The following RBFOX1 variants were observed in gnomAD, a reference collection of about 807,000 sequenced individuals.
RBFOX1 encodes RNA binding protein fox-1 homolog 1.
RBFOX1 carries 8 observed loss-of-function variants against 57.7 expected under a neutral mutation model. That is an observed-to-expected ratio of 0.14 (90% CI 0.08 to 0.25). The LOEUF is 0.25. RBFOX1 is among the 10% of genes least tolerant of loss of function. The probability of loss-of-function intolerance (pLI) is 1.00; values close to 1 mark genes in which losing one functional copy is unlikely to be tolerated. For missense variants in RBFOX1, 611 were observed against 548.5 expected, an observed-to-expected ratio of 1.11 and a Z score of -1.14; for synonymous variants, 326 against 222.4, an observed-to-expected ratio of 1.47 and a Z score of -4.15.
chr16:7,604,796 C>T (rs550123868), intron 9 of RBFOX1, among the ~76,000 whole-genome samples: 53 of 152,152 alleles, frequency 3.5e-4, no homozygotes, highest in Non-Finnish European at 6.2e-4. Context: ...GATAAGTATA[C>T]CTTCAGTGAA....
In RBFOX1 at chr16:5,916,574, C is replaced by T. The variant is rs529602791; in HGVS notation, c.351+49239C>T. On this transcript the variant is annotated intron_variant, in intron 4 of 19. Transcript: ENST00000641259. ...ATTTTCCCTTTATAATTAGGAGGTGCTGGGTCCTCCACTGCTTCCCAGCTT... is the reference window on the plus strand; with the variant it reads ...ATTTTCCCTTTATAATTAGGAGGTGTTGGGTCCTCCACTGCTTCCCAGCTT... Among the ~76,000 whole-genome samples, 241 of 152,186 alleles carry T rather than the reference C, an allele frequency of 1.6e-3. 1 individual carries two copies. The highest frequency in any genetic ancestry group is 2.7e-3 in the South Asian group (13 of 4,822).
chr16:5,645,734 G>A (rs1020645914), intron 3 of RBFOX1, among the ~76,000 whole-genome samples: 2 of 152,170 alleles, frequency 1.3e-5, no homozygotes, highest in Admixed American at 1.3e-4. Flanking sequence ...GGTGCAATCA[G>A]AGCTGACTGT....
At chr16:5,951,495 G>GTA (rs770589622) in intron 4 of RBFOX1, among the ~76,000 whole-genome samples, 6 of 151,974 alleles carry the variant, frequency 3.9e-5, no homozygotes, top group Non-Finnish European at 7.4e-5. Context: ...ATATGTGTGT[G>GTA]TATATATATA....
intron 1 of RBFOX1, among the ~76,000 whole-genome samples, chr16:6,033,768 C>T (rs955229043): frequency 6.6e-6 from 1 of 152,222 alleles, no homozygotes; most frequent in Non-Finnish European, 1.5e-5. Context: ...ACTTCCCACA[C>T]ATGTCTGTAG....
chr16:5,934,166 A>C (rs1466068716), intron 4 of RBFOX1, among the ~76,000 whole-genome samples: 1 of 152,218 alleles, frequency 6.6e-6, no homozygotes, highest in East Asian at 1.9e-4. Context: ...CAGTATAAGG[A>C]ACATGCTGCT....
At chr16:7,108,066 G>T (rs2063933378) in intron 4 of RBFOX1, among the ~76,000 whole-genome samples, 1 of 152,278 alleles carries the variant, frequency 6.6e-6, no homozygotes, top group South Asian at 2.1e-4. Context: ...AAGCAAAGAT[G>T]CTGCTTCATC....
intron 3 of RBFOX1, among the ~76,000 whole-genome samples, chr16:6,841,874 C>T (rs1344505412): frequency 1.3e-5 from 2 of 151,740 alleles, no homozygotes; most frequent in Non-Finnish European, 2.9e-5. Flanking sequence ...CGCGGTGGCT[C>T]ACGCCTGTAA....
At chr16:6,529,077 A>G (rs540456694) in intron 2 of RBFOX1, among the ~76,000 whole-genome samples, 13 of 152,202 alleles carry the variant, frequency 8.5e-5, no homozygotes, top group African/African-American at 3.1e-4. Flanking sequence ...CTTCTTGTAA[A>G]CCGCCCCCAA....
chr16:7,256,066 A>C (rs1364946115), intron 4 of RBFOX1, among the ~76,000 whole-genome samples: 3 of 152,240 alleles, frequency 2.0e-5, no homozygotes, highest in African/African-American at 7.2e-5. Context: ...TTTGGAATTA[A>C]AATACACTGT....
In RBFOX1 at chr16:7,421,384, A is replaced by T. The variant is rs183506260; in HGVS notation, c.28-96763A>T. 6.6e-4 allele frequency among the ~76,000 whole-genome samples: 100 copies of T among 152,264 alleles called. 2 individuals carry two copies. The highest frequency in any genetic ancestry group is 6.5e-3 in the Admixed American group (99 of 15,292). ...ACATGTATTTGCCAGTTTAATGGAC[A>T]CTTTTCCATCTAGGACTGTTTATAT... is the stretch of plus-strand genomic sequence containing the variant. On this transcript the variant is annotated intron_variant, in intron 4 of 15. Coordinates refer to ENST00000550418, the MANE Select transcript of RBFOX1 (RefSeq NM_018723.4).
intron 4 of RBFOX1, among the ~76,000 whole-genome samples, chr16:5,964,887 G>A (rs1264643716): frequency 3.3e-5 from 5 of 152,046 alleles, no homozygotes; most frequent in Non-Finnish European, 5.9e-5. Flanking sequence ...TAAAGAAAAT[G>A]TGGTGTGTGT....
intron 4 of RBFOX1, among the ~76,000 whole-genome samples, chr16:7,391,892 G>T (rs2098032368): frequency 6.6e-6 from 1 of 151,036 alleles, no homozygotes; most frequent in Non-Finnish European, 1.5e-5. Flanking sequence ...AGATTCCTGA[G>T]GTAAGGGACA....
At chr16:7,301,197 G>A (rs1433458763) in intron 4 of RBFOX1, among the ~76,000 whole-genome samples, 1 of 152,204 alleles carries the variant, frequency 6.6e-6, no homozygotes. Context: ...GTCATTGGAT[G>A]CCCTATTCCT....
chr16:6,386,071 G>T (rs1021080568), intron 2 of RBFOX1, among the ~76,000 whole-genome samples: 1 of 152,040 alleles, frequency 6.6e-6, no homozygotes, highest in Non-Finnish European at 1.5e-5. Context: ...CAGTAGGTGG[G>T]ACTACAGGCG....
intron 10 of RBFOX1, among the ~76,000 whole-genome samples, chr16:7,629,564 C>T (rs2060609320): frequency 6.6e-6 from 1 of 152,122 alleles, no homozygotes; most frequent in South Asian, 2.1e-4. Context: ...CAGTAATGGC[C>T]TTAAAACTCC....
intron 2 of RBFOX1, among the ~76,000 whole-genome samples, chr16:6,641,885 G>C (rs1269492660): frequency 2.0e-5 from 3 of 151,950 alleles, no homozygotes; most frequent in African/African-American, 4.8e-5. Context: ...AGCTCACCTG[G>C]GGAACACACA....
chr16:6,265,746 C>T (rs1427288139), intron 1 of RBFOX1, among the ~76,000 whole-genome samples: 1 of 152,156 alleles, frequency 6.6e-6, no homozygotes, highest in Non-Finnish European at 1.5e-5. Flanking sequence ...AACTGCCTTC[C>T]TTGTACTTTT....
chr16:6,143,429 G>A (rs2096733863), intron 1 of RBFOX1, among the ~76,000 whole-genome samples: 1 of 152,158 alleles, frequency 6.6e-6, no homozygotes, highest in Admixed American at 6.5e-5. Context: ...GCATTACTGT[G>A]GTTTCCTTTC....
At chr16:6,802,220 C>T (rs768102491) in intron 3 of RBFOX1, among the ~76,000 whole-genome samples, 8 of 152,046 alleles carry the variant, frequency 5.3e-5, no homozygotes, top group Non-Finnish European at 7.4e-5. Flanking sequence ...GCTGCCTCAG[C>T]TTTTATTATT....
Sources: allele counts gnomAD v4.1 joint callset (sites outside exome capture counted in the v4.1 genomes callset), GRCh38; gene constraint gnomAD v4.1.1; transcripts MANE v1.5; gene names NCBI Gene and HGNC (gene_info 2026-07-23, HGNC 2026-07-21).